The following TYW1B variants were observed in gnomAD, a reference collection of about 807,000 sequenced individuals.
The protein encoded by TYW1B is S-adenosyl-L-methionine-dependent tRNA 4-demethylwyosine synthase TYW1B.
A neutral mutation model predicts 86.9 loss-of-function variants in TYW1B; 73 were observed. The observed-to-expected ratio is 0.84, with a 90% CI of 0.70 to 1.02. TYW1B has a LOEUF of 1.02. Ranked by LOEUF, TYW1B falls within the 50% of genes least tolerant of loss-of-function variation. TYW1B has a pLI of 0.00. For missense variants in TYW1B, 637 were observed against 827.4 expected, an observed-to-expected ratio of 0.77 and a Z score of 2.82; for synonymous variants, 248 against 292.8, an observed-to-expected ratio of 0.85 and a Z score of 1.56.
At chr7:72,815,219 A>T (rs1554479175) in intron 3 of TYW1B, among the ~76,000 whole-genome samples, 161 bp downstream of exon 3, 1 of 152,158 alleles carries the variant, frequency 6.6e-6, no homozygotes, top group African/African-American at 2.4e-5. Context: ...CTCACCCCAC[A>T]TTCAGTTCTC....
chr7:72,659,914 C>T (rs1360138926), intron 11 of TYW1B, among the ~76,000 whole-genome samples: 4 of 152,048 alleles, frequency 2.6e-5, no homozygotes, highest in African/African-American at 7.2e-5. Flanking sequence ...GAGCAGTTTC[C>T]GAGTATCCTA....
chr7:72,759,100 G>A (rs2129571659), intron 7 of TYW1B, among the ~76,000 whole-genome samples: 1 of 152,296 alleles, frequency 6.6e-6, no homozygotes, highest in East Asian at 1.9e-4. Context: ...CGAGGCCGAG[G>A]CAGGCAGATG....
chr7:72,750,851 A>T (rs1160570063), intron 7 of TYW1B, among the ~76,000 whole-genome samples: 1 of 152,188 alleles, frequency 6.6e-6, no homozygotes, highest in African/African-American at 2.4e-5. Context: ...CCGACATCCA[A>T]AACATTCCAA....
intron 10 of TYW1B, among the ~76,000 whole-genome samples, chr7:72,709,154 C>T (rs1259369829): frequency 2.0e-5 from 3 of 152,186 alleles, no homozygotes; most frequent in African/African-American, 7.2e-5. Flanking sequence ...CAGTAATCTG[C>T]AGATCTCAGA....
chr7:72,623,775 G>A (rs1457184490), intron 12 of TYW1B, among the ~76,000 whole-genome samples: 3 of 152,014 alleles, frequency 2.0e-5, no homozygotes, highest in South Asian at 2.1e-4. Context: ...TTTATGGAGA[G>A]GTCTTATTAT....
chr7:72,636,643 C>T (rs1195247370), intron 11 of TYW1B, among the ~76,000 whole-genome samples: 1 of 152,110 alleles, frequency 6.6e-6, no homozygotes, highest in Non-Finnish European at 1.5e-5. Flanking sequence ...ATATTGATTT[C>T]TGTCAAATTC....
intron 6 of TYW1B, among the ~76,000 whole-genome samples, chr7:72,784,462 T>G (rs1585981311): frequency 6.6e-6 from 1 of 152,208 alleles, no homozygotes; most frequent in Non-Finnish European, 1.5e-5. Context: ...GAGGATTGAG[T>G]GAGATAATCT....
chr7:72,674,015 G>A (rs1813676693), intron 11 of TYW1B, among the ~76,000 whole-genome samples: 1 of 151,984 alleles, frequency 6.6e-6, no homozygotes, highest in African/African-American at 2.4e-5. Context: ...AAACCAGGAG[G>A]ACTACCAGTT....
At chr7:72,756,553 G>C (rs1787593400) in intron 7 of TYW1B, among the ~76,000 whole-genome samples, 1 of 152,046 alleles carries the variant, frequency 6.6e-6, no homozygotes, top group South Asian at 2.1e-4. Flanking sequence ...TCAGATTTGA[G>C]CTAACCAATA....
At chr7:72,699,999 C>T (rs1814422865) in intron 10 of TYW1B, among the ~76,000 whole-genome samples, 1 of 151,936 alleles carries the variant, frequency 6.6e-6, no homozygotes, top group Non-Finnish European at 1.5e-5. Context: ...GAACTAATTA[C>T]ATGTGTGTGG....
At chr7:72,579,831 T>C (rs1173097092) in intron 13 of TYW1B, among the ~76,000 whole-genome samples, 1 of 152,180 alleles carries the variant, frequency 6.6e-6, no homozygotes, top group Non-Finnish European at 1.5e-5. Flanking sequence ...TTAAATTTTC[T>C]GTAGAGAAAG....
intron 11 of TYW1B, among the ~76,000 whole-genome samples, chr7:72,669,574 T>G (rs1813545325): frequency 6.6e-6 from 1 of 151,830 alleles, no homozygotes; most frequent in African/African-American, 2.4e-5. Context: ...AAGACTAGCC[T>G]GGCCAACATG....
At position 72,805,516 on chromosome 7, in the gene TYW1B, G is replaced by C. The variant is rs182379024; in HGVS notation, c.723+1550C>G. ...AATCCCAGCTACTTGGGAGGCTGAA[G>C]TGGGAGGATCACCACTGCCTGGGGA... On this transcript the variant is annotated intron_variant, in intron 5 of 13. Transcript: ENST00000620995. 1.6e-4 allele frequency among the ~76,000 whole-genome samples: 24 copies of C among 151,898 alleles called. 1 individual carries two copies. In the East Asian group the frequency reaches 3.7e-3, roughly 23 times the overall value.
intron 7 of TYW1B, among the ~76,000 whole-genome samples, chr7:72,767,253 G>C (rs1246097952): frequency 6.6e-6 from 1 of 152,164 alleles, no homozygotes; most frequent in East Asian, 1.9e-4. Flanking sequence ...ATTGATCTTT[G>C]CAGCCAAGGA....
intron 11 of TYW1B, among the ~76,000 whole-genome samples, chr7:72,665,832 G>C (rs111728500): frequency 1.3e-5 from 2 of 152,014 alleles, no homozygotes; most frequent in Admixed American, 6.6e-5. Flanking sequence ...TATTTGTTGA[G>C]TGAATGAATA....
chr7:72,582,902 G>A (rs1321642477), intron 13 of TYW1B, among the ~76,000 whole-genome samples: 1 of 152,120 alleles, frequency 6.6e-6, no homozygotes, highest in Non-Finnish European at 1.5e-5. Context: ...TGCAGGAGAT[G>A]GCATGGCTTG....
At chr7:72,810,754 T>C in intron 3 of TYW1B, 89 bp from the exon 4 acceptor site, 2 of 1,480,174 alleles carry the variant, frequency 1.4e-6, no homozygotes, top group South Asian at 2.8e-5. Flanking sequence ...CATACTCATC[T>C]CAAAGAACAA....
At chr7:72,795,530 G>A (rs1487545092) in intron 6 of TYW1B, among the ~76,000 whole-genome samples, 1 of 152,162 alleles carries the variant, frequency 6.6e-6, no homozygotes, top group African/African-American at 2.4e-5. Context: ...GAGATGATGT[G>A]TATGTGTCTT....
chr7:72,600,631 T>C (rs376886967), intron 13 of TYW1B, among the ~76,000 whole-genome samples: 61 of 152,268 alleles, frequency 4.0e-4, no homozygotes, highest in African/African-American at 1.4e-3. Flanking sequence ...CCAAAATATA[T>C]AAAGAACTCT....
Sources: allele counts gnomAD v4.1 joint callset (sites outside exome capture counted in the v4.1 genomes callset), GRCh38; gene constraint gnomAD v4.1.1; transcripts MANE v1.5; gene names NCBI Gene and HGNC (gene_info 2026-07-23, HGNC 2026-07-21).